The following ATXN1 variants were observed in gnomAD, a reference collection of about 807,000 sequenced individuals.
ATXN1 encodes the protein ataxin 1, also known as ataxin-1.
A neutral mutation model predicts 56.4 loss-of-function variants in ATXN1; 8 were observed. The observed-to-expected ratio is 0.14, with a 90% CI of 0.08 to 0.26. The LOEUF (loss-of-function observed/expected upper bound fraction) is 0.26, where lower values mean the gene tolerates loss of function less well. Ranked by LOEUF, ATXN1 falls within the 10% of genes least tolerant of loss-of-function variation. ATXN1 has a pLI of 1.00. For missense variants in ATXN1, 987 were observed against 1,106.5 expected (o/e 0.89, Z 1.53); for synonymous variants, 514 against 494.6 (o/e 1.04, Z -0.52).
At chr6:16,555,056 T>G (rs1035048318) in intron 4 of ATXN1, among the ~76,000 whole-genome samples, 1 of 152,330 alleles carries the variant, frequency 6.6e-6, no homozygotes, top group South Asian at 2.1e-4. Context: ...TCCCTGGGTT[T>G]CAAAGATTCC....
intron 3 of ATXN1, among the ~76,000 whole-genome samples, chr6:16,586,540 T>C (rs1762627857): frequency 6.6e-6 from 1 of 152,152 alleles, no homozygotes; most frequent in African/African-American, 2.4e-5. Context: ...TCCACTGCAG[T>C]CTGTGAGGTG....
chr6:16,517,887 AC>A (rs1296612065), intron 5 of ATXN1, among the ~76,000 whole-genome samples: 6 of 152,246 alleles, frequency 3.9e-5, no homozygotes, highest in Non-Finnish European at 7.3e-5. Context: ...AAGACAGGGC[AC>A]CAGGGATGTC....
intron 2 of ATXN1, chr6:16,739,912 C>G (rs772272996): frequency 1.1e-5 from 5 of 456,826 alleles, no homozygotes; most frequent in Non-Finnish European, 2.2e-5. Context: ...ACTTTCTGTT[C>G]TGTGACCTGT....
At chr6:16,558,326 A>G (rs1352052084) in intron 4 of ATXN1, among the ~76,000 whole-genome samples, 4 of 151,652 alleles carry the variant, frequency 2.6e-5, no homozygotes, top group Non-Finnish European at 5.9e-5. Context: ...AAAGAAAAAA[A>G]AAAGGTAAGT....
At chr6:16,630,221 C>T (rs1397970243) in intron 3 of ATXN1, among the ~76,000 whole-genome samples, 1 of 152,208 alleles carries the variant, frequency 6.6e-6, no homozygotes, top group Non-Finnish European at 1.5e-5. Flanking sequence ...CACTTGGGCA[C>T]TTCTGCATTG....
intron 6 of ATXN1, among the ~76,000 whole-genome samples, chr6:16,417,832 A>G (rs1758946004): frequency 6.6e-6 from 1 of 152,154 alleles, no homozygotes; most frequent in Non-Finnish European, 1.5e-5. Context: ...TGAAGAAGAA[A>G]TCCATGACCA....
chr6:16,546,639 T>A (rs977904355), intron 4 of ATXN1, among the ~76,000 whole-genome samples: 4 of 152,214 alleles, frequency 2.6e-5, no homozygotes, highest in African/African-American at 9.7e-5. Flanking sequence ...AAATTGCTAC[T>A]ACAAGATATA....
In ATXN1 at chr6:16,384,118, C is replaced by T. The variant is rs112729878; in HGVS notation, c.-160-55648G>A. Among the ~76,000 whole-genome samples, 1,075 of 152,300 alleles carry T rather than the reference C, an allele frequency of 7.1e-3. 7 individuals are homozygous for T. The highest frequency in any genetic ancestry group is 0.024 in the African/African-American group (1,005 of 41,552). On this transcript the variant is annotated intron_variant, in intron 6 of 7. Transcript: ENST00000436367. ...AACATATATAGTCATATTTTGATAC[C>T]ACAGTTTGGATGGCAAGATTATTCA...
chr6:16,418,550 T>TTTTA (rs1758963363), intron 6 of ATXN1, among the ~76,000 whole-genome samples: 1 of 152,062 alleles, frequency 6.6e-6, no homozygotes, highest in South Asian at 2.1e-4. Context: ...ATACTCCTTT[T>TTTTA]TTTTATTTTA....
chr6:16,714,181 CCACACACACACA>C lies in ATXN1; in HGVS notation c.-615+39040_-615+39051del, dbSNP rs70999343. On this transcript the variant is annotated intron_variant, in intron 2 of 7. Transcript: ENST00000436367. ...AAAGAAAGAAAAAAAAAACCACACACCACACACACACACACACACACACACACACACACACAC... is the reference window on the plus strand; with the variant it reads ...AAAGAAAGAAAAAAAAAACCACACACCACACACACACACACACACACACAC... Among the ~76,000 whole-genome samples the C allele has an allele frequency of 2.6e-3, 361 of 137,632 alleles. 2 individuals are homozygous for C. Among genetic ancestry groups the C allele is most frequent in the African/African-American group, 4.2e-3 (155 of 37,124 alleles). 90.3% of individuals were successfully genotyped at this position (137,632 alleles called of 152,430 possible). A position where few individuals can be genotyped will look rare whatever the true frequency, so the allele number is the denominator to read the frequency against.
Position 16,327,509 on chromosome 6 carries a change from C to T in ATXN1, c.802G>A (p.Val268Ile), listed in dbSNP as rs1232140999. 5.0e-5 allele frequency: 80 copies of T among 1,611,884 alleles called. No individual in the cohort carries two copies. The East Asian group carries it at 1.5e-3, about 30-fold the overall frequency. ...GRTASPPAIPVHLHPHQTMIP... is the reference protein window; with the variant it reads ...GRTASPPAIPIHLHPHQTMIP... Reference sequence around the variant, plus strand: ...ATCGTCTGGTGGGGGTGGAGGTGGACGGGGATGGCCGGAGGAGAGGCGGTG... The same window carrying T: ...ATCGTCTGGTGGGGGTGGAGGTGGATGGGGATGGCCGGAGGAGAGGCGGTG... The change falls in exon 7 of 8, where the codon GTC becomes ATC. Residue 268 changes from valine (V) to isoleucine (I), a missense_variant. Coordinates refer to ENST00000436367, the MANE Select transcript of ATXN1 (RefSeq NM_001128164.2).
At chr6:16,314,987 G>A (rs553834272) in intron 7 of ATXN1, among the ~76,000 whole-genome samples, 1 of 152,100 alleles carries the variant, frequency 6.6e-6, no homozygotes, top group African/African-American at 2.4e-5. Context: ...AGTATACACC[G>A]AGCACCTGCT....
chr6:16,317,814 C>A (rs1760549909), intron 7 of ATXN1, among the ~76,000 whole-genome samples: 1 of 152,148 alleles, frequency 6.6e-6, no homozygotes, highest in Non-Finnish European at 1.5e-5. Flanking sequence ...CCTACCCCTT[C>A]CTCCATCCAT....
chr6:16,430,752 T>C (rs776053860), intron 6 of ATXN1, among the ~76,000 whole-genome samples: 6 of 151,938 alleles, frequency 3.9e-5, no homozygotes, highest in Non-Finnish European at 7.4e-5. Context: ...TATGTGTGTG[T>C]AGTAACAAGA....
chr6:16,419,655 G>C (rs1027943722), intron 6 of ATXN1, among the ~76,000 whole-genome samples: 7 of 152,094 alleles, frequency 4.6e-5, no homozygotes, highest in Admixed American at 3.3e-4. Context: ...ATCAGCCAAC[G>C]TAACAAGCAA....
intron 6 of ATXN1, among the ~76,000 whole-genome samples, chr6:16,471,713 GAC>G (rs1013703861): frequency 4.6e-5 from 7 of 152,016 alleles, no homozygotes; most frequent in African/African-American, 1.7e-4. Flanking sequence ...GTGTGTGTGA[GAC>G]AGAAAGAGAG....
At chr6:16,513,444 T>C (rs1761118881) in intron 5 of ATXN1, among the ~76,000 whole-genome samples, 1 of 152,228 alleles carries the variant, frequency 6.6e-6, no homozygotes, top group Non-Finnish European at 1.5e-5. Flanking sequence ...ACATTACTGT[T>C]GACTTCCACC....
chr6:16,367,729 G>T (rs1474931339), intron 6 of ATXN1, among the ~76,000 whole-genome samples: 1 of 138,032 alleles, frequency 7.2e-6, no homozygotes, highest in Non-Finnish European at 1.5e-5. Context: ...GCCTAGACTT[G>T]CAAGAAGGTA....
chr6:16,577,120 T>C (rs1204176139), intron 4 of ATXN1, among the ~76,000 whole-genome samples: 1 of 152,196 alleles, frequency 6.6e-6, no homozygotes, highest in African/African-American at 2.4e-5. Context: ...ACACCCCGCT[T>C]TTCTCTGCCC....
Sources: gnomAD v4.1 joint callset for allele counts (sites outside exome capture counted in the v4.1 genomes callset) on GRCh38, gnomAD v4.1.1 for gene constraint, MANE v1.5 for transcripts, NCBI Gene and HGNC (gene_info 2026-07-23, HGNC 2026-07-21) for gene names.